MTMR9: variants seen among roughly 807,000 people sequenced by gnomAD.
MTMR9 encodes the protein myotubularin-related protein 9.
In MTMR9, 39 loss-of-function variants were observed where a neutral mutation model predicts 69.5. The ratio of observed to expected loss-of-function variants is 0.56; its 90% CI spans 0.43 to 0.73. The LOEUF (loss-of-function observed/expected upper bound fraction) is 0.73. MTMR9 is among the 30% of genes least tolerant of loss of function. The probability of loss-of-function intolerance (pLI) is 0.00; values close to 1 mark genes in which losing one functional copy is unlikely to be tolerated. For synonymous variants in MTMR9, 354 were observed against 240.8 expected (o/e 1.47, Z -4.35); for missense variants, 900 against 671.2 (o/e 1.34, Z -3.77).
chr8:11,301,030 A>G (rs1278696346), intron 3 of MTMR9, among the ~76,000 whole-genome samples: 4 of 152,176 alleles, frequency 2.6e-5, no homozygotes, highest in Admixed American at 2.0e-4. Flanking sequence ...GGGTGGTGCT[A>G]TGTTCTAATA....
At position 11,284,854 on chromosome 8, in the gene MTMR9, C is replaced by T. The variant is rs1343202214; in HGVS notation, c.-35C>T. Reference sequence around the variant, plus strand: ...GGCGGGGTAACCGCCTCGCACCTACCGGGCTCGGTTCCCTGGCTCCGGCCG... The same window carrying T: ...GGCGGGGTAACCGCCTCGCACCTACTGGGCTCGGTTCCCTGGCTCCGGCCG... On this transcript the variant is annotated 5_prime_UTR_variant, in exon 1 of 10. Coordinates refer to ENST00000221086, the MANE Select transcript of MTMR9 (RefSeq NM_015458.4). 3.9e-6 allele frequency: 6 copies of T among 1,558,188 alleles called. No individual in the cohort carries two copies. The highest frequency in any genetic ancestry group is 5.2e-6 in the Non-Finnish European group (6 of 1,153,394).
intron 2 of MTMR9, among the ~76,000 whole-genome samples, chr8:11,296,899 A>G (rs1799580203): frequency 6.6e-6 from 1 of 152,132 alleles, no homozygotes; most frequent in African/African-American, 2.4e-5. Flanking sequence ...TATATAAATA[A>G]TATTGAATAT....
In MTMR9 at chr8:11,326,616, C is replaced by T. The variant is rs537916286; in HGVS notation, c.*3828C>T. ...TCACATGGGCTAGGCCTGTTCTCCT[C>T]CTCCAGACCTAGTATTCTAAGTTAT... is the stretch of plus-strand genomic sequence containing the variant. On this transcript the variant is annotated 3_prime_UTR_variant, in exon 10 of 10. Coordinates refer to ENST00000221086, the MANE Select transcript of MTMR9 (RefSeq NM_015458.4). The T allele has an allele frequency of 6.6e-6, 1 of 152,334 alleles. No individual in the cohort carries two copies. Among genetic ancestry groups the T allele is most frequent in the South Asian group, 2.1e-4 (1 of 4,828 alleles). 9.4% of individuals were successfully genotyped at this position (152,334 alleles called of 1,614,324 possible).
chr8:11,288,515 TG>T (rs1436744972), intron 1 of MTMR9, among the ~76,000 whole-genome samples: 1 of 151,628 alleles, frequency 6.6e-6, no homozygotes, highest in East Asian at 1.9e-4. Flanking sequence ...AAGCTAGAAC[TG>T]TGAGTGTCTG....
chr8:11,331,718 C>T, downstream of MTMR9: 1 of 1,611,976 alleles, frequency 6.2e-7, no homozygotes, highest in Non-Finnish European at 8.5e-7. Context: ...TGGCGCTGTC[C>T]CTGGGGCTTC....
intron 6 of MTMR9, among the ~76,000 whole-genome samples, chr8:11,314,468 T>C (rs555707340): frequency 1.3e-5 from 2 of 152,206 alleles, no homozygotes; most frequent in Non-Finnish European, 2.9e-5. Flanking sequence ...GGTGTCCTTA[T>C]AGTCAGCTGA....
downstream of MTMR9, among the ~76,000 whole-genome samples, chr8:11,329,110 C>T (rs1339559965): frequency 6.6e-6 from 1 of 152,162 alleles, no homozygotes; most frequent in Admixed American, 6.5e-5. Flanking sequence ...TTTCTGTGCA[C>T]TCTATTGTGT....
chr8:11,314,400 C>T (rs1388877711), intron 6 of MTMR9, among the ~76,000 whole-genome samples: 4 of 151,808 alleles, frequency 2.6e-5, no homozygotes, highest in Admixed American at 6.6e-5. Context: ...TTCCTGTTGT[C>T]GTGTTTCTCA....
At chr8:11,296,943 G>T (rs1327224401) in intron 2 of MTMR9, among the ~76,000 whole-genome samples, 2 of 151,864 alleles carry the variant, frequency 1.3e-5, no homozygotes, top group Admixed American at 1.3e-4. Flanking sequence ...AATTTTACTT[G>T]GTTAGTTTAA....
the MTMR9 span, among the ~76,000 whole-genome samples, chr8:11,338,558 G>A: frequency 3.3e-5 from 5 of 152,338 alleles, no homozygotes; most frequent in African/African-American, 1.2e-4. Context: ...AGCTGGAATG[G>A]TGACCAGGGG....
chr8:11,321,472 A>T (rs1171370227), intron 9 of MTMR9: 1 of 456,598 alleles, frequency 2.2e-6, no homozygotes, highest in Non-Finnish European at 4.4e-6. Context: ...CTGAAGGATG[A>T]TTTAATTGCT....
At chr8:11,320,695 T>C (rs1800643164) in intron 9 of MTMR9, 1 of 152,216 alleles carries the variant, frequency 6.6e-6, no homozygotes, top group Non-Finnish European at 1.5e-5. Flanking sequence ...ATGATGCTAC[T>C]GCACTTTAGC....
At chr8:11,317,075 C>G (rs138067402) in intron 8 of MTMR9, 182 bp downstream of exon 8, 93 of 429,476 alleles carry the variant, frequency 2.2e-4, no homozygotes, top group African/African-American at 1.8e-3. Flanking sequence ...AGAGCATGTC[C>G]TAGACTTTGT....
At chr8:11,303,354 A>T (rs1799820018) in intron 3 of MTMR9, among the ~76,000 whole-genome samples, 1 of 151,700 alleles carries the variant, frequency 6.6e-6, no homozygotes, top group African/African-American at 2.4e-5. Context: ...TCATAGTGAA[A>T]GTTCAAGAAA....
At chr8:11,301,903 A>G (rs1334666344) in intron 3 of MTMR9, among the ~76,000 whole-genome samples, 2 of 152,194 alleles carry the variant, frequency 1.3e-5, no homozygotes, top group African/African-American at 2.4e-5. Context: ...GAGAGGTTAG[A>G]CACATGCATG....
chr8:11,285,952 T>TC (rs1799137640), intron 1 of MTMR9, among the ~76,000 whole-genome samples: 1 of 138,636 alleles, frequency 7.2e-6, no homozygotes, highest in Non-Finnish European at 1.6e-5. Flanking sequence ...TTCTTTCTTT[T>TC]TTTTTTTTTT....
At chr8:11,333,471 G>A in the MTMR9 span, among the ~76,000 whole-genome samples, 1 of 152,156 alleles carries the variant, frequency 6.6e-6, no homozygotes, top group Non-Finnish European at 1.5e-5. Context: ...TAGGGATCTT[G>A]TTACTGCGAG....
intron 3 of MTMR9, among the ~76,000 whole-genome samples, chr8:11,304,319 GTT>G (rs1799859389): frequency 6.6e-6 from 1 of 152,180 alleles, no homozygotes; most frequent in Non-Finnish European, 1.5e-5. Flanking sequence ...GTTCTCATTT[GTT>G]CTGGGGATGC....
Position 11,319,819 on chromosome 8 carries a change from G to T in MTMR9, c.1467G>T (p.Gln489His), listed in dbSNP as rs757979523. ...TCATCTGGCCTTCAGTTGCTCCGCA[G>T]AGTCTTCCACTGTGGGAAGGTAAAC... ...NLVIWPSVAP[Q>H]SLPLWEGIFL... The change falls in exon 9 of 10, where the codon CAG (glutamine) becomes CAT (histidine). Residue 489 changes from glutamine (Q) to histidine (H), a missense_variant. By Grantham distance (24) the Gln-to-His change is conservative (BLOSUM62 0). Transcript: ENST00000221086. 6.2e-7 allele frequency: 1 copy of T among 1,614,118 alleles called. No homozygotes were observed. Among genetic ancestry groups the T allele is most frequent in the Non-Finnish European group, 8.5e-7 (1 of 1,179,978 alleles).
Sources: gnomAD v4.1 joint callset for allele counts (sites outside exome capture counted in the v4.1 genomes callset) on GRCh38, gnomAD v4.1.1 for gene constraint, MANE v1.5 for transcripts, NCBI Gene and HGNC (gene_info 2026-07-23, HGNC 2026-07-21) for gene names.